CAMTA1: variants seen among roughly 807,000 people sequenced by gnomAD.
CAMTA1 encodes calmodulin-binding transcription activator 1.
CAMTA1 carries 27 observed loss-of-function variants against 170.9 expected under a neutral mutation model. The observed-to-expected ratio is 0.16, with a 90% CI of 0.12 to 0.22. The LOEUF (loss-of-function observed/expected upper bound fraction) is 0.22. Among genes scored for constraint, CAMTA1 ranks in the 10% least tolerant of loss-of-function variants. CAMTA1 has a pLI of 1.00. For missense variants in CAMTA1, 1,619 were observed against 2,217.2 expected (o/e 0.73, Z 5.42); for synonymous variants, 833 against 891.5 (o/e 0.93, Z 1.17).
chr1:6,972,420 T>A (rs752174633), intron 3 of CAMTA1, among the ~76,000 whole-genome samples: 30 of 152,224 alleles, frequency 2.0e-4, no homozygotes, highest in Non-Finnish European at 1.5e-4. Flanking sequence ...TACTTCTTTT[T>A]TTTGCATCTG....
chr1:7,584,179 G>T (rs1016099792), intron 6 of CAMTA1, among the ~76,000 whole-genome samples: 1 of 152,076 alleles, frequency 6.6e-6, no homozygotes, highest in Non-Finnish European at 1.5e-5. Flanking sequence ...GTTATTCCAG[G>T]GGCGCCATGA....
At chr1:7,566,888 C>G (rs2095049906) in intron 6 of CAMTA1, among the ~76,000 whole-genome samples, 1 of 152,234 alleles carries the variant, frequency 6.6e-6, no homozygotes, top group African/African-American at 2.4e-5. Flanking sequence ...CCCTCTGTGC[C>G]CACACGGACA....
chr1:7,117,638 A>C (rs78106196), intron 4 of CAMTA1, among the ~76,000 whole-genome samples: 1 of 152,286 alleles, frequency 6.6e-6, no homozygotes, highest in East Asian at 1.9e-4. Flanking sequence ...ACTCTAGCAC[A>C]CCACTGCCTA....
In CAMTA1 at chr1:7,146,637, G is replaced by T. The variant is rs1646201011; in HGVS notation, c.302+55266G>T. On this transcript the variant is annotated intron_variant, in intron 4 of 22. Transcript: ENST00000303635. The surrounding 1 kb of genome is among the most constrained non-coding windows in gnomAD (Gnocchi z 4.3). ...GCCAGGACCTGTCCCCTGGGGCTGGGTCCTCACTGCTTCCCTGGGACCGGC... is the reference window on the plus strand; with the variant it reads ...GCCAGGACCTGTCCCCTGGGGCTGGTTCCTCACTGCTTCCCTGGGACCGGC... Among the ~76,000 whole-genome samples the T allele has an allele frequency of 6.6e-6, 1 of 152,066 alleles. No individual in the cohort carries two copies. Among genetic ancestry groups the T allele is most frequent in the African/African-American group, 2.4e-5 (1 of 41,416 alleles).
intron 3 of CAMTA1, among the ~76,000 whole-genome samples, chr1:7,020,274 A>G (rs1024751969): frequency 1.3e-5 from 2 of 152,186 alleles, no homozygotes; most frequent in East Asian, 3.8e-4. Flanking sequence ...CTAACGCTAT[A>G]TTTTTACTAT....
chr1:7,550,462 G>A (rs1330560645), intron 6 of CAMTA1, among the ~76,000 whole-genome samples: 1 of 149,290 alleles, frequency 6.7e-6, no homozygotes, highest in Non-Finnish European at 1.5e-5. Flanking sequence ...CTCCCACCTG[G>A]ACCTCCCCTC....
At chr1:7,104,369 T>TACAA (rs139162386) in intron 4 of CAMTA1, among the ~76,000 whole-genome samples, 1 of 150,860 alleles carries the variant, frequency 6.6e-6, no homozygotes, top group Non-Finnish European at 1.5e-5. Flanking sequence ...TCAATACACA[T>TACAA]ACACACACAC....
intron 4 of CAMTA1, among the ~76,000 whole-genome samples, chr1:7,206,384 C>G (rs1233857361): frequency 6.6e-6 from 1 of 152,116 alleles, no homozygotes; most frequent in East Asian, 1.9e-4. Context: ...TGCACATACC[C>G]GAATAAATTT....
At chr1:6,789,586 C>G (rs574418250) in intron 1 of CAMTA1, among the ~76,000 whole-genome samples, 4 of 152,188 alleles carry the variant, frequency 2.6e-5, no homozygotes, top group Admixed American at 1.3e-4. Context: ...TTCTGTTCCC[C>G]TCATAGTTGT....
rs528554176 is a variant in CAMTA1, at chr1:7,384,040, T to C, written c.439-83790T>C. On this transcript the variant is annotated intron_variant, in intron 5 of 22. Coordinates refer to ENST00000303635, the MANE Select transcript of CAMTA1 (RefSeq NM_015215.4). Reference sequence around the variant, plus strand: ...TTCCCACTGAAACACAGGACGGGACTGGGCTGCCACGCCCTGCTCCAACTC... The same window carrying C: ...TTCCCACTGAAACACAGGACGGGACCGGGCTGCCACGCCCTGCTCCAACTC... 5.3e-5 allele frequency among the ~76,000 whole-genome samples: 8 copies of C among 152,258 alleles called. No individual in the cohort carries two copies. The East Asian group carries it at 1.5e-3, about 29-fold the overall frequency.
At chr1:6,921,366 A>C (rs1029656363) in intron 3 of CAMTA1, among the ~76,000 whole-genome samples, 2 of 152,164 alleles carry the variant, frequency 1.3e-5, no homozygotes, top group Non-Finnish European at 2.9e-5. Flanking sequence ...CCTGGACCTT[A>C]TTGTTCATAT....
At chr1:7,296,256 A>C (rs1673926092) in intron 5 of CAMTA1, among the ~76,000 whole-genome samples, 1 of 152,176 alleles carries the variant, frequency 6.6e-6, no homozygotes, top group Non-Finnish European at 1.5e-5. Context: ...TACAGACGAA[A>C]ATGGAGGCCC....
intron 11 of CAMTA1, among the ~76,000 whole-genome samples, chr1:7,728,305 C>G (rs932708574): frequency 6.6e-6 from 1 of 152,244 alleles, no homozygotes; most frequent in Non-Finnish European, 1.5e-5. Flanking sequence ...GGGCAGGGGA[C>G]AGCTGATGCG....
At chr1:7,018,972 C>T (rs1700973374) in intron 3 of CAMTA1, among the ~76,000 whole-genome samples, 2 of 152,178 alleles carry the variant, frequency 1.3e-5, no homozygotes, top group Admixed American at 1.3e-4. Flanking sequence ...AGGACACCCT[C>T]CTGGCTGCAG....
intron 11 of CAMTA1, among the ~76,000 whole-genome samples, chr1:7,712,861 A>C (rs529077492): frequency 6.6e-6 from 1 of 152,276 alleles, no homozygotes; most frequent in Non-Finnish European, 1.5e-5. Context: ...ACATGGCAGC[A>C]GGCGAGAGGA....
chr1:7,107,295 TGTGTGTGC>T (rs1465441509), intron 4 of CAMTA1, among the ~76,000 whole-genome samples: 34 of 151,258 alleles, frequency 2.2e-4, no homozygotes, highest in African/African-American at 7.3e-4. Flanking sequence ...TGTGTGTGTG[TGTGTGTGC>T]GCGCCCACAC....
chr1:7,726,663 C>T (rs2096689150), intron 11 of CAMTA1, among the ~76,000 whole-genome samples: 2 of 152,214 alleles, frequency 1.3e-5, no homozygotes, highest in Non-Finnish European at 1.5e-5. Context: ...GGCCTCTGTG[C>T]ACCTCTTTTC....
At chr1:7,340,273 C>A (rs2083702392) in intron 5 of CAMTA1, among the ~76,000 whole-genome samples, 1 of 152,170 alleles carries the variant, frequency 6.6e-6, no homozygotes, top group Non-Finnish European at 1.5e-5. Flanking sequence ...ATTTTCTCTT[C>A]TCTGGAAAAA....
chr1:7,343,722 A>G (rs760532866), intron 5 of CAMTA1, among the ~76,000 whole-genome samples: 2 of 152,210 alleles, frequency 1.3e-5, no homozygotes, highest in African/African-American at 2.4e-5. Context: ...CTTATGACTT[A>G]TAAGTGCATC....
Sources: allele counts gnomAD v4.1 joint callset (sites outside exome capture counted in the v4.1 genomes callset), GRCh38; gene constraint gnomAD v4.1.1; non-coding constraint Gnocchi (gnomAD v3.1); transcripts MANE v1.5; gene names NCBI Gene and HGNC (gene_info 2026-07-23, HGNC 2026-07-21).